The following ITFG1 variants were observed in gnomAD, a reference collection of about 807,000 sequenced individuals.
ITFG1 encodes the protein T-cell immunomodulatory protein.
ITFG1 carries 34 observed loss-of-function variants against 81.8 expected under a neutral mutation model. That is an observed-to-expected ratio of 0.42 (90% CI 0.32 to 0.55). The LOEUF (loss-of-function observed/expected upper bound fraction) is 0.55, where lower values mean the gene tolerates loss of function less well. Among genes scored for constraint, ITFG1 ranks in the 20% least tolerant of loss-of-function variants. The pLI is 0.17. For missense variants in ITFG1, 672 were observed against 755.4 expected (o/e 0.89, Z 1.29); for synonymous variants, 285 against 270.6 (o/e 1.05, Z -0.52).
intron 8 of ITFG1, among the ~76,000 whole-genome samples, chr16:47,351,990 A>T (rs1967965068): frequency 1.3e-5 from 2 of 152,228 alleles, no homozygotes; most frequent in African/African-American, 4.8e-5. Context: ...TGATGCTGGG[A>T]AAACTGGCTA....
chr16:47,326,961 T>C (rs1596897829), intron 8 of ITFG1, among the ~76,000 whole-genome samples: 1 of 152,042 alleles, frequency 6.6e-6, no homozygotes, highest in Non-Finnish European at 1.5e-5. Context: ...CTTCACAGAA[T>C]TGGAAAAAAC....
intron 8 of ITFG1, among the ~76,000 whole-genome samples, chr16:47,334,324 A>C (rs1295892078): frequency 2.6e-5 from 4 of 152,074 alleles, no homozygotes; most frequent in Admixed American, 6.6e-5. Context: ...AATACTTAAG[A>C]GGCTGAGGTG....
chr16:47,166,644 C>T (rs1039529536), intron 14 of ITFG1, among the ~76,000 whole-genome samples: 1 of 152,096 alleles, frequency 6.6e-6, no homozygotes, highest in African/African-American at 2.4e-5. Context: ...AAAGTGGTAT[C>T]TACACAGACA....
Position 47,218,950 on chromosome 16 carries a change from C to T in ITFG1, c.1375-4G>A, listed in dbSNP as rs187105401. On this transcript the variant is annotated splice_polypyrimidine_tract_variant and splice_region_variant and intron_variant, in intron 13 of 17. Transcript: ENST00000320640. ...CAGGTTGATTCACTCCAAAGGGCTG[C>T]AATAGAAAAAAAAAATAGTTAAGGC... The T allele has an allele frequency of 2.0e-5, 31 of 1,553,442 alleles. No individual in the cohort carries two copies. In the Admixed American group the frequency reaches 4.2e-4, roughly 21 times the overall value.
chr16:47,291,420 G>A (rs919161367), intron 10 of ITFG1, among the ~76,000 whole-genome samples: 2 of 151,926 alleles, frequency 1.3e-5, no homozygotes, highest in Admixed American at 6.6e-5. Context: ...GCCTTGGGGA[G>A]GACCATTTGC....
intron 10 of ITFG1, among the ~76,000 whole-genome samples, chr16:47,308,074 T>C (rs1463268247): frequency 6.6e-6 from 1 of 152,210 alleles, no homozygotes; most frequent in Non-Finnish European, 1.5e-5. Context: ...TGATTCCATA[T>C]CTCTGCTATT....
chr16:47,339,307 C>T (rs1967749858), intron 8 of ITFG1, among the ~76,000 whole-genome samples: 1 of 152,164 alleles, frequency 6.6e-6, no homozygotes, highest in Non-Finnish European at 1.5e-5. Flanking sequence ...GGGCATATAC[C>T]TAGCAGTGGG....
chr16:47,368,237 T>TAAAA lies in ITFG1; in HGVS notation c.721-2372_721-2369dup, dbSNP rs1197857958. On this transcript the variant is annotated intron_variant, in intron 7 of 17. Coordinates refer to ENST00000320640, the MANE Select transcript of ITFG1 (RefSeq NM_030790.5). Reference sequence around the variant, plus strand: ...TGACAGAGCGAGACTCCGTCTCAATTAAAAAAAAAAAAAAAAAAAAGATCA... The same window carrying TAAAA: ...TGACAGAGCGAGACTCCGTCTCAATTAAAAAAAAAAAAAAAAAAAAAAAAGATCA... Among the ~76,000 whole-genome samples the TAAAA allele has an allele frequency of 1.5e-3, 116 of 78,004 alleles. 1 individual carries two copies. Among genetic ancestry groups the TAAAA allele is most frequent in the African/African-American group, 4.8e-3 (105 of 21,752 alleles). 51.2% of individuals were successfully genotyped at this position (78,004 alleles called of 152,430 possible).
intron 6 of ITFG1, among the ~76,000 whole-genome samples, chr16:47,385,101 A>G (rs1029491993): frequency 3.3e-5 from 5 of 152,238 alleles, no homozygotes; most frequent in Non-Finnish European, 7.3e-5. Flanking sequence ...GAAACTGTGC[A>G]ATTCGTTTTA....
intron 14 of ITFG1, among the ~76,000 whole-genome samples, chr16:47,203,073 T>C (rs143843721): frequency 7.2e-4 from 109 of 152,264 alleles, no homozygotes; most frequent in African/African-American, 2.3e-3. Context: ...AGGATTACGA[T>C]AGCCAAAAGG....
chr16:47,274,413 A>G (rs1966376675), intron 10 of ITFG1, among the ~76,000 whole-genome samples: 1 of 152,214 alleles, frequency 6.6e-6, no homozygotes, highest in East Asian at 1.9e-4. Context: ...AGGAATGTAT[A>G]TAAAATCAGC....
intron 5 of ITFG1, among the ~76,000 whole-genome samples, chr16:47,443,700 A>G (rs1272202995): frequency 1.3e-5 from 2 of 152,110 alleles, no homozygotes; most frequent in African/African-American, 4.8e-5. Flanking sequence ...CTGAACAAAG[A>G]GAACACATGG....
chr16:47,380,740 A>G (rs1407542262), intron 6 of ITFG1, among the ~76,000 whole-genome samples: 1 of 152,168 alleles, frequency 6.6e-6, no homozygotes, highest in Non-Finnish European at 1.5e-5. Flanking sequence ...AACCATATAT[A>G]TTTTGGATAT....
chr16:47,182,119 A>G (rs980972174), intron 14 of ITFG1, among the ~76,000 whole-genome samples: 1 of 151,554 alleles, frequency 6.6e-6, no homozygotes, highest in African/African-American at 2.4e-5. Flanking sequence ...CCTTCCCTCC[A>G]CTATTGTCCT....
At chr16:47,259,937 A>ATT (rs561470789) in intron 11 of ITFG1, among the ~76,000 whole-genome samples, 21 of 140,216 alleles carry the variant, frequency 1.5e-4, no homozygotes, top group Admixed American at 1.4e-4. Flanking sequence ...TTGGCTGTAA[A>ATT]TTTTTTTTTT....
At chr16:47,422,419 C>A (rs909099364) in intron 6 of ITFG1, among the ~76,000 whole-genome samples, 1 of 152,148 alleles carries the variant, frequency 6.6e-6, no homozygotes, top group African/African-American at 2.4e-5. Flanking sequence ...ATTTTCACAT[C>A]GATGTTCATC....
chr16:47,181,863 C>G (rs1327113880), intron 14 of ITFG1, among the ~76,000 whole-genome samples: 1 of 152,126 alleles, frequency 6.6e-6, no homozygotes, highest in African/African-American at 2.4e-5. Context: ...CCTTGGGATC[C>G]TGTTGATCTA....
chr16:47,375,206 G>A (rs1968307995), intron 7 of ITFG1, among the ~76,000 whole-genome samples: 2 of 152,130 alleles, frequency 1.3e-5, no homozygotes, highest in Admixed American at 6.5e-5. Flanking sequence ...AGTGGGGTTC[G>A]ATACTTGGCC....
intron 8 of ITFG1, among the ~76,000 whole-genome samples, chr16:47,329,150 T>A (rs1402060259): frequency 6.6e-6 from 1 of 152,090 alleles, no homozygotes; most frequent in Admixed American, 6.6e-5. Flanking sequence ...CACAAAAGCT[T>A]TCATTTAATC....
Sources: gnomAD v4.1 joint callset for allele counts (sites outside exome capture counted in the v4.1 genomes callset) on GRCh38, gnomAD v4.1.1 for gene constraint, MANE v1.5 for transcripts, NCBI Gene and HGNC (gene_info 2026-07-23, HGNC 2026-07-21) for gene names.